Variants in CD96 observed in about 807,000 individuals in gnomAD.
CD96 encodes the protein T-cell surface protein tactile.
CD96 carries 70 observed loss-of-function variants against 71.3 expected under a neutral mutation model. That is an observed-to-expected ratio of 0.98 (90% CI 0.81 to 1.20). CD96 has a LOEUF of 1.20. CD96 is among the 50% of genes most tolerant of loss of function. CD96 has a pLI of 0.00. For missense variants in CD96, 742 were observed against 677.5 expected (o/e 1.10, Z -1.06); for synonymous variants, 248 against 233.0 (o/e 1.06, Z -0.59).
intron 3 of CD96, among the ~76,000 whole-genome samples, chr3:111,569,975 G>A (rs1198686794): frequency 6.0e-5 from 9 of 150,354 alleles, no homozygotes; most frequent in African/African-American, 1.5e-4. Context: ...GGCTGGGGCC[G>A]TCAAGGCACA....
chr3:111,568,625 G>A (rs1195080874), intron 3 of CD96, among the ~76,000 whole-genome samples: 1 of 152,108 alleles, frequency 6.6e-6, no homozygotes, highest in Non-Finnish European at 1.5e-5. Context: ...TACTTTGTCT[G>A]CCTTTGTTAT....
chr3:111,585,453 T>C (rs1936666949), intron 5 of CD96, 75 bp downstream of exon 5: 1 of 958,278 alleles, frequency 1.0e-6, no homozygotes, highest in Non-Finnish European at 1.7e-6. Flanking sequence ...TTGCCAGGAA[T>C]GTTCTCTCAA....
intron 2 of CD96, among the ~76,000 whole-genome samples, chr3:111,551,987 C>T (rs1934730976): frequency 6.6e-6 from 1 of 152,102 alleles, no homozygotes; most frequent in Non-Finnish European, 1.5e-5. Flanking sequence ...TAATAATAGC[C>T]ATTCTGAGTG....
chr3:111,577,929 A>C (rs144751338), intron 3 of CD96, among the ~76,000 whole-genome samples: 1 of 152,144 alleles, frequency 6.6e-6, no homozygotes, highest in African/African-American at 2.4e-5. Flanking sequence ...ATGACTGTAC[A>C]CAAGGATTCA....
intron 5 of CD96, 96 bp from the exon 6 acceptor site, chr3:111,598,024 A>T (rs1937334359): frequency 1.4e-6 from 1 of 738,670 alleles, no homozygotes; most frequent in Non-Finnish European, 2.5e-6. Flanking sequence ...AAATGGAGAA[A>T]CTCTTTTTTG....
At chr3:111,574,635 G>A (rs2107570269) in intron 3 of CD96, among the ~76,000 whole-genome samples, 1 of 152,090 alleles carries the variant, frequency 6.6e-6, no homozygotes, top group African/African-American at 2.4e-5. Context: ...ATTTTATCAA[G>A]CTCCTATACA....
At chr3:111,575,826 G>A (rs1416602731) in intron 3 of CD96, among the ~76,000 whole-genome samples, 1 of 152,202 alleles carries the variant, frequency 6.6e-6, no homozygotes, top group Non-Finnish European at 1.5e-5. Context: ...CAAGCACTTT[G>A]TAGAGTGGCA....
chr3:111,558,681 G>A lies in CD96; in HGVS notation c.419-8842G>A, dbSNP rs1435999816. ...GTCTAAAATTCTCTTTTTTGGTTGTGTCTCTGCCCGGCTTTGGTATCAGAA... is the reference window on the plus strand; with the variant it reads ...GTCTAAAATTCTCTTTTTTGGTTGTATCTCTGCCCGGCTTTGGTATCAGAA... On this transcript the variant is annotated intron_variant, in intron 2 of 13. Coordinates refer to ENST00000352690, the MANE Select transcript of CD96 (RefSeq NM_005816.5). Among the ~76,000 whole-genome samples, 15 of 127,192 alleles carry A rather than the reference G, an allele frequency of 1.2e-4. No homozygotes were observed. In the East Asian group the frequency reaches 3.2e-3, roughly 27 times the overall value. The allele number at this position is 127,192 out of a possible 152,430, so 83.4% of individuals were successfully genotyped here. A position where few individuals can be genotyped will look rare whatever the true frequency, so the allele number is the denominator to read the frequency against.
intron 11 of CD96, among the ~76,000 whole-genome samples, chr3:111,637,851 T>A (rs546182586): frequency 5.0e-4 from 76 of 152,262 alleles, no homozygotes; most frequent in Non-Finnish European, 8.5e-4. Flanking sequence ...AACAGGAATT[T>A]TTTTTTCAAC....
At chr3:111,663,715 T>C (rs957444248) in intron 14 of CD96, among the ~76,000 whole-genome samples, 3 of 150,800 alleles carry the variant, frequency 2.0e-5, no homozygotes, top group Non-Finnish European at 3.0e-5. Context: ...AAAAAACAGA[T>C]GTTGGCAAGG....
chr3:111,611,121 G>T (rs577318940), intron 8 of CD96, among the ~76,000 whole-genome samples: 16 of 152,280 alleles, frequency 1.1e-4, no homozygotes, highest in African/African-American at 3.1e-4. Context: ...TAGACCTGAT[G>T]ATGTTGATTT....
At chr3:111,627,438 G>A (rs1403782712) in intron 10 of CD96, among the ~76,000 whole-genome samples, 1 of 152,174 alleles carries the variant, frequency 6.6e-6, no homozygotes, top group Non-Finnish European at 1.5e-5. Context: ...CTCCTCACTG[G>A]GAGGGTCCTC....
intron 3 of CD96, chr3:111,571,107 G>T: frequency 1.3e-6 from 1 of 753,992 alleles, no homozygotes; most frequent in South Asian, 1.5e-5. Context: ...GCATCCCTCT[G>T]AATCCAGGGT....
At chr3:111,636,642 C>T (rs1236644149) in intron 10 of CD96, among the ~76,000 whole-genome samples, 1 of 152,212 alleles carries the variant, frequency 6.6e-6, no homozygotes, top group African/African-American at 2.4e-5. Flanking sequence ...AGGTTTGTCT[C>T]TAAATGCTTC....
intron 13 of CD96, among the ~76,000 whole-genome samples, 158 bp downstream of exon 13, chr3:111,647,824 A>G (rs1047490072): frequency 1.3e-5 from 2 of 152,182 alleles, no homozygotes; most frequent in African/African-American, 4.8e-5. Context: ...TCCCAGCATT[A>G]CATAGTTGGG....
Position 111,600,898 on chromosome 3 carries a change from G to T in CD96, c.1071G>T (p.Lys357Asn), listed in dbSNP as rs1048543147. Reference sequence around the variant, plus strand: ...AAGTGTGGAACATCTCATCAGAAAAGATCACTTTTCTCTTAGGTGAGTTGT... The same window carrying T: ...AAGTGTGGAACATCTCATCAGAAAATATCACTTTTCTCTTAGGTGAGTTGT... The part of the protein sequence containing the change: ...GNKVWNISSE[K>N]ITFLLGSEIS... The change falls in exon 7 of 14, where the codon AAG (lysine) becomes AAT (asparagine). Residue 357 changes from lysine (K) to asparagine (N), a missense_variant. Physicochemically the swap from Lys to Asn is moderately conservative, Grantham distance 94 (BLOSUM62 0). Coordinates refer to ENST00000352690, the MANE Select transcript of CD96 (RefSeq NM_005816.5). 2.5e-6 allele frequency: 4 copies of T among 1,610,166 alleles called. No individual in the cohort carries two copies. The African/African-American group carries it at 4.0e-5, about 16-fold the overall frequency.
In CD96 at chr3:111,542,255, A is replaced by G. The variant is rs1316623271; in HGVS notation, c.7A>G (p.Lys3Glu). 4 of 1,613,060 alleles carry G rather than the reference A, an allele frequency of 2.5e-6. No individual in the cohort carries two copies. The highest frequency in any genetic ancestry group is 2.7e-5 in the African/African-American group (2 of 74,916). The change falls in exon 1 of 14, where the codon AAA becomes GAA. Residue 3 changes from lysine to glutamate, a missense_variant. Physicochemically the swap from Lys to Glu is moderately conservative, Grantham distance 56. Coordinates refer to ENST00000352690, the MANE Select transcript of CD96 (RefSeq NM_005816.5). ME[K>E]KWKYCAVYYI... The stretch of plus-strand genomic sequence containing the variant: ...GTAAGGTGTTCAGAAGACAATGGAG[A>G]AAAAATGGAAATACTGTGCTGTCTA...
chr3:111,611,577 C>T (rs1937938949), intron 8 of CD96, among the ~76,000 whole-genome samples: 2 of 152,076 alleles, frequency 1.3e-5, no homozygotes, highest in African/African-American at 2.4e-5. Flanking sequence ...TATTCAGGTG[C>T]CTCAATTGCT....
intron 3 of CD96, among the ~76,000 whole-genome samples, chr3:111,569,000 A>G (rs1488501946): frequency 6.6e-6 from 1 of 152,234 alleles, no homozygotes; most frequent in African/African-American, 2.4e-5. Flanking sequence ...TGTCAAAATG[A>G]AAACAAAGGA....
Sources: allele counts gnomAD v4.1 joint callset (sites outside exome capture counted in the v4.1 genomes callset), GRCh38; gene constraint gnomAD v4.1.1; transcripts MANE v1.5; gene names NCBI Gene and HGNC (gene_info 2026-07-23, HGNC 2026-07-21).